The following FOXK1 variants were observed in gnomAD, a reference collection of about 807,000 sequenced individuals.
FOXK1 encodes the protein forkhead box protein K1.
In FOXK1, 19 loss-of-function variants were observed where a neutral mutation model predicts 51.9. The observed-to-expected ratio is 0.37, with a 90% confidence interval of 0.26 to 0.54. The LOEUF is 0.54. Among genes scored for constraint, FOXK1 ranks in the 20% least tolerant of loss-of-function variants. The pLI, the probability that FOXK1 is intolerant of heterozygous loss-of-function variation, is 0.87. For synonymous variants in FOXK1, 537 were observed against 482.6 expected, an observed-to-expected ratio of 1.11 and a Z score of -1.48; for missense variants, 870 against 1,032.7, an observed-to-expected ratio of 0.84 and a Z score of 2.16.
At chr7:4,697,605 G>C (rs6963829) in intron 1 of FOXK1, among the ~76,000 whole-genome samples, 28,680 of 152,054 alleles carry the variant, frequency 0.19, 4,641 homozygotes, top group African/African-American at 0.45. Context: ...CGTTTACCTG[G>C]GTTCATCAGC....
intron 1 of FOXK1, among the ~76,000 whole-genome samples, 200 bp from the exon 2 acceptor site, chr7:4,740,638 T>C (rs1229453998): frequency 6.6e-6 from 1 of 151,808 alleles, no homozygotes; most frequent in Non-Finnish European, 1.5e-5. Flanking sequence ...AATAAAGAAA[T>C]AGAAAGACAA....
In FOXK1 at chr7:4,715,177, C is replaced by T. The variant is rs1187018195; in HGVS notation, c.561-25661C>T. ...GGTACATGGTGGAACTGTGACGATACGGGGCACGGTGGAACTGTGGCGATA... is the reference window on the plus strand; with the variant it reads ...GGTACATGGTGGAACTGTGACGATATGGGGCACGGTGGAACTGTGGCGATA... On this transcript the variant is annotated intron_variant, in intron 1 of 8. Coordinates refer to ENST00000328914, the MANE Select transcript of FOXK1 (RefSeq NM_001037165.2). This position sits in a 1 kb window ranked among gnomAD's most constrained non-coding sequence, Gnocchi z 4.5. Among the ~76,000 whole-genome samples, 1 of 151,774 alleles carries T rather than the reference C, an allele frequency of 6.6e-6. No individual in the cohort carries two copies. Among genetic ancestry groups the T allele is most frequent in the Admixed American group, 6.6e-5 (1 of 15,236 alleles).
In FOXK1 at chr7:4,707,122, C is replaced by T. The variant is rs1353062754; in HGVS notation, c.560+24254C>T. ...CAGTCTTAGAGAAGCAGCGATGTCT[C>T]CCCTCCGGGTTTCCCATGATGTTAC... On this transcript the variant is annotated intron_variant, in intron 1 of 8. Transcript: ENST00000328914. The surrounding 1 kb of genome is among the most constrained non-coding windows in gnomAD (Gnocchi z 4.1). Among the ~76,000 whole-genome samples the T allele has an allele frequency of 6.6e-6, 1 of 152,220 alleles. No homozygotes were observed. Among genetic ancestry groups the T allele is most frequent in the Non-Finnish European group, 1.5e-5 (1 of 68,048 alleles).
intron 1 of FOXK1, among the ~76,000 whole-genome samples, chr7:4,691,574 G>A (rs922897009): frequency 6.6e-6 from 1 of 152,096 alleles, no homozygotes; most frequent in African/African-American, 2.4e-5. Flanking sequence ...GACCTCAAAT[G>A]ATCCACCCAC....
At chr7:4,719,771 C>T (rs890259381) in intron 1 of FOXK1, among the ~76,000 whole-genome samples, 6 of 152,158 alleles carry the variant, frequency 3.9e-5, no homozygotes, top group Non-Finnish European at 5.9e-5. Flanking sequence ...TTTGAGCCAC[C>T]GCGCCCGGCC....
intron 1 of FOXK1, among the ~76,000 whole-genome samples, chr7:4,718,073 C>G (rs1160333511): frequency 2.0e-5 from 3 of 152,218 alleles, no homozygotes; most frequent in Admixed American, 2.0e-4. Flanking sequence ...CGTGTTCCCA[C>G]CAGCTCCATG....
rs1780810227 is a variant in FOXK1 at position 4,753,943 on chromosome 7, G to C, written c.747-516G>C. On this transcript the variant is annotated intron_variant, in intron 2 of 8. Coordinates refer to ENST00000328914, the MANE Select transcript of FOXK1 (RefSeq NM_001037165.2). The surrounding 1 kb of genome is among the most constrained non-coding windows in gnomAD (Gnocchi z 4.9). ...TCTCTTCCCGAGGGCGGTGTCTCCA[G>C]GAGAGCCACCTGCCACGCCTTCACC... is the stretch of plus-strand genomic sequence containing the variant. 6.6e-6 allele frequency among the ~76,000 whole-genome samples: 1 copy of C among 152,196 alleles called. No homozygotes were observed. Among genetic ancestry groups the C allele is most frequent in the Admixed American group, 6.5e-5 (1 of 15,282 alleles).
chr7:4,708,120 G>A (rs1203568641), intron 1 of FOXK1, among the ~76,000 whole-genome samples: 2 of 152,010 alleles, frequency 1.3e-5, no homozygotes, highest in Non-Finnish European at 2.9e-5. Flanking sequence ...AACCCGCCCC[G>A]CCCTCCAGGA....
chr7:4,695,405 A>C (rs1211252818), intron 1 of FOXK1, among the ~76,000 whole-genome samples: 1 of 152,170 alleles, frequency 6.6e-6, no homozygotes, highest in Non-Finnish European at 1.5e-5. Context: ...TTGGCCAATC[A>C]GGGATGCCAT....
rs1363247264 is a variant in FOXK1, at chr7:4,762,141, C to T, written c.1922-43C>T. ...GGGGACTTGAAAAAAGCAGCTGGGT[C>T]CTAACCAGACCCCAGAGTAACCCTC... On this transcript the variant is annotated intron_variant, in intron 8 of 8. Transcript: ENST00000328914. This position sits in a 1 kb window ranked among gnomAD's most constrained non-coding sequence, Gnocchi z 5.7. The T allele has an allele frequency of 1.3e-6, 2 of 1,523,318 alleles. No homozygotes were observed. The highest frequency in any genetic ancestry group is 1.8e-6 in the Non-Finnish European group (2 of 1,129,094). 94.4% of individuals were successfully genotyped at this position (1,523,318 alleles called of 1,614,324 possible). A position where few individuals can be genotyped will look rare whatever the true frequency, so the allele number is the denominator to read the frequency against.
intron 1 of FOXK1, among the ~76,000 whole-genome samples, chr7:4,685,567 A>G (rs1373356899): frequency 6.7e-6 from 1 of 150,266 alleles, no homozygotes; most frequent in Non-Finnish European, 1.5e-5. Flanking sequence ...CTTACACCTA[A>G]GTAGTCACAT....
intron 1 of FOXK1, among the ~76,000 whole-genome samples, chr7:4,692,106 T>A (rs1235674703): frequency 1.3e-5 from 2 of 152,140 alleles, no homozygotes; most frequent in African/African-American, 4.8e-5. Flanking sequence ...TAATAATAAC[T>A]CTATTTCAAA....
rs992283378 is a variant in FOXK1, at chr7:4,722,961, C to T, written c.561-17877C>T. Reference sequence around the variant, plus strand: ...GGGCAGTTATTGTAGGAAGAACCCCCAGGAGCAGGTGGCCGACGCAGGCAC... The same window carrying T: ...GGGCAGTTATTGTAGGAAGAACCCCTAGGAGCAGGTGGCCGACGCAGGCAC... On this transcript the variant is annotated intron_variant, in intron 1 of 8. Transcript: ENST00000328914. The surrounding 1 kb of genome is among the most constrained non-coding windows in gnomAD (Gnocchi z 5.1). Among the ~76,000 whole-genome samples, 1 of 152,048 alleles carries T rather than the reference C, an allele frequency of 6.6e-6. No individual in the cohort carries two copies. The highest frequency in any genetic ancestry group is 1.5e-5 in the Non-Finnish European group (1 of 68,002).
rs77087728 is a variant in FOXK1, at chr7:4,755,411, G to A, written c.1050+28G>A. On this transcript the variant is annotated intron_variant, in intron 4 of 8. Coordinates refer to ENST00000328914, the MANE Select transcript of FOXK1 (RefSeq NM_001037165.2). This position sits in a 1 kb window ranked among gnomAD's most constrained non-coding sequence, Gnocchi z 6.6. Reference sequence around the variant, plus strand: ...GAAGCCGAGTCCCCAGGGCCGGATCGCCTCTGAAGGCCCTTAGAACATGGA... The same window carrying A: ...GAAGCCGAGTCCCCAGGGCCGGATCACCTCTGAAGGCCCTTAGAACATGGA... 48,839 of 1,610,836 alleles carry A rather than the reference G, an allele frequency of 0.03. 829 individuals carry two copies. The highest frequency in any genetic ancestry group is 0.035 in the Non-Finnish European group (41,038 of 1,178,486).
Position 4,730,673 on chromosome 7 carries a change from G to T in FOXK1, c.561-10165G>T, listed in dbSNP as rs190712785. On this transcript the variant is annotated intron_variant, in intron 1 of 8. Coordinates refer to ENST00000328914, the MANE Select transcript of FOXK1 (RefSeq NM_001037165.2). The surrounding 1 kb of genome is among the most constrained non-coding windows in gnomAD (Gnocchi z 4.7). ...GTAACCTGTGTCCCTTCACTGCCAT[G>T]CACTGCTCTTAGCTGCTGGCGAAGA... is the stretch of plus-strand genomic sequence containing the variant. Among the ~76,000 whole-genome samples, 168 of 152,324 alleles carry T rather than the reference G, an allele frequency of 1.1e-3. 4 individuals are homozygous for T. The highest frequency in any genetic ancestry group is 2.6e-4 in the Non-Finnish European group (18 of 68,022).
chr7:4,700,872 A>G (rs1243914302), intron 1 of FOXK1, among the ~76,000 whole-genome samples: 1 of 152,222 alleles, frequency 6.6e-6, no homozygotes, highest in Non-Finnish European at 1.5e-5. Context: ...CAGTGCTGAT[A>G]GATAAACATC....
Position 4,683,547 on chromosome 7 carries a change from C to T in FOXK1, c.560+679C>T, listed in dbSNP as rs1779780728. The stretch of plus-strand genomic sequence containing the variant: ...TTGACCCCAGTCCCTGCTGCCTGGG[C>T]CTGGGGATCACCCTCAACCCTTCCA... On this transcript the variant is annotated intron_variant, in intron 1 of 8. Transcript: ENST00000328914. The surrounding 1 kb of genome is among the most constrained non-coding windows in gnomAD (Gnocchi z 4.5). Among the ~76,000 whole-genome samples, 1 of 151,910 alleles carries T rather than the reference C, an allele frequency of 6.6e-6. No individual in the cohort carries two copies. The highest frequency in any genetic ancestry group is 2.4e-5 in the African/African-American group (1 of 41,376).
Position 4,703,403 on chromosome 7 carries a change from C to T in FOXK1, c.560+20535C>T, listed in dbSNP as rs1280804041. On this transcript the variant is annotated intron_variant, in intron 1 of 8. Coordinates refer to ENST00000328914, the MANE Select transcript of FOXK1 (RefSeq NM_001037165.2). This position sits in a 1 kb window ranked among gnomAD's most constrained non-coding sequence, Gnocchi z 5.6. ...AGGACAACTCGCTGAAGTTCGTGGC[C>T]CCAAGACATGCGGAGAACCCGCGTC... Among the ~76,000 whole-genome samples the T allele has an allele frequency of 1.3e-5, 2 of 152,116 alleles. No individual in the cohort carries two copies. Among genetic ancestry groups the T allele is most frequent in the African/African-American group, 4.8e-5 (2 of 41,418 alleles).
chr7:4,740,014 G>T (rs1201181602), intron 1 of FOXK1, among the ~76,000 whole-genome samples: 1 of 152,230 alleles, frequency 6.6e-6, no homozygotes, highest in Admixed American at 6.5e-5. Flanking sequence ...ACAACTGACG[G>T]CTGGGCACAA....
Sources: allele counts gnomAD v4.1 joint callset (sites outside exome capture counted in the v4.1 genomes callset), GRCh38; gene constraint gnomAD v4.1.1; non-coding constraint Gnocchi (gnomAD v3.1); transcripts MANE v1.5; gene names NCBI Gene and HGNC (gene_info 2026-07-23, HGNC 2026-07-21).